Variants in BRWD3 observed in about 807,000 individuals in gnomAD.
BRWD3 encodes bromodomain and WD repeat domain containing 3, also known as bromodomain and WD repeat-containing protein 3.
In BRWD3, 10 loss-of-function variants were observed where a neutral mutation model predicts 149.7. The observed-to-expected ratio is 0.07, with a 90% CI of 0.04 to 0.11. The LOEUF is 0.11. Among genes scored for constraint, BRWD3 ranks in the 10% least tolerant of loss-of-function variants. The probability of loss-of-function intolerance (pLI) is 1.00; values close to 1 mark genes in which losing one functional copy is unlikely to be tolerated. For missense variants in BRWD3, 940 were observed against 1,373.2 expected (o/e 0.68, Z 4.99); for synonymous variants, 504 against 456.7 (o/e 1.10, Z -1.32).
chrX:80,787,901 G>A (rs987037339), intron 6 of BRWD3, among the ~76,000 whole-genome samples: 3 of 108,360 alleles, frequency 2.8e-5, no homozygotes, highest in Non-Finnish European at 3.8e-5. Flanking sequence ...TGACTAACAC[G>A]GTGAAACCCT....
chrX:80,678,341 A>T, intron 40 of BRWD3, among the ~76,000 whole-genome samples: 1 of 112,026 alleles, frequency 8.9e-6, no homozygotes, highest in Admixed American at 9.5e-5. Flanking sequence ...CCTAGGTTTT[A>T]TGGCCAAAGC....
chrX:80,682,808 T>G (rs2072472880), intron 37 of BRWD3, among the ~76,000 whole-genome samples, 180 bp from the exon 38 acceptor site: 1 of 111,603 alleles, frequency 9.0e-6, no homozygotes, highest in Admixed American at 9.5e-5. Flanking sequence ...TTTTCAAATA[T>G]AGTATTCAAT....
At chrX:80,750,377 T>A (rs2073648854) in intron 6 of BRWD3, among the ~76,000 whole-genome samples, 1 of 104,986 alleles carries the variant, frequency 9.5e-6, no homozygotes. Context: ...TATAAGAAAC[T>A]CAATAGCAAA....
chrX:80,733,293 T>C (rs1315118816), intron 12 of BRWD3, 163 bp downstream of exon 12: 6 of 416,570 alleles, frequency 1.4e-5, no homozygotes, highest in South Asian at 1.4e-4. Flanking sequence ...TTGGATGAGA[T>C]TGTGGAAGTG....
intron 28 of BRWD3, among the ~76,000 whole-genome samples, chrX:80,692,551 A>G (rs2072626081): frequency 8.9e-6 from 1 of 112,332 alleles, no homozygotes; most frequent in Admixed American, 9.5e-5. Context: ...TCATACGACT[A>G]AACAAAAGAC....
chrX:80,718,484 TC>T (rs1247954236), intron 18 of BRWD3, among the ~76,000 whole-genome samples: 1 of 111,763 alleles, frequency 8.9e-6, no homozygotes, highest in Non-Finnish European at 1.9e-5. Flanking sequence ...AATACAGATT[TC>T]ATTAATGGAT....
At chrX:80,679,969 G>T (rs1213276701) in intron 40 of BRWD3, among the ~76,000 whole-genome samples, 5 of 111,438 alleles carry the variant, frequency 4.5e-5, no homozygotes, top group Non-Finnish European at 7.5e-5. Flanking sequence ...ATGTAAACTG[G>T]GAAAAACAAA....
intron 6 of BRWD3, among the ~76,000 whole-genome samples, chrX:80,762,174 G>A (rs985297808): frequency 1.8e-5 from 2 of 111,478 alleles, no homozygotes; most frequent in Admixed American, 9.6e-5. Flanking sequence ...TGAGGCTCTC[G>A]GAAGTAGTTT....
chrX:80,713,031 C>T (rs1468881286), intron 20 of BRWD3, among the ~76,000 whole-genome samples: 4 of 108,596 alleles, frequency 3.7e-5, no homozygotes, highest in Non-Finnish European at 7.7e-5. Context: ...GGGGCCAGCC[C>T]CCCGCCCGGC....
chrX:80,793,501 A>C lies in BRWD3; in HGVS notation c.331+121T>G, dbSNP rs905101438. On this transcript the variant is annotated intron_variant, in intron 5 of 40. Coordinates refer to ENST00000373275, the MANE Select transcript of BRWD3 (RefSeq NM_153252.5). ...CTTGTACACTAAGAAAACAAAAACA[A>C]CATTGGCAAGATAAGAAAAACTAGT... The C allele has an allele frequency of 1.1e-5, 9 of 791,655 alleles. No homozygotes were observed. The East Asian group carries it at 3.0e-4, about 27-fold the overall frequency. 65.2% of individuals were successfully genotyped at this position (791,655 alleles called of 1,213,427 possible).
chrX:80,692,388 A>G (rs1364092086), intron 28 of BRWD3, among the ~76,000 whole-genome samples: 2 of 112,129 alleles, frequency 1.8e-5, no homozygotes, highest in Non-Finnish European at 3.8e-5. Flanking sequence ...GGAGACTAAA[A>G]GTCAGTCCTC....
intron 6 of BRWD3, among the ~76,000 whole-genome samples, chrX:80,755,003 G>A (rs1037402481): frequency 1.1e-4 from 12 of 110,153 alleles, no homozygotes; most frequent in East Asian, 2.8e-4. Flanking sequence ...GCGAAACTCC[G>A]TCTCAAATTA....
chrX:80,725,736 T>C (rs1175098505), intron 14 of BRWD3, among the ~76,000 whole-genome samples: 3 of 111,133 alleles, frequency 2.7e-5, no homozygotes, highest in African/African-American at 9.7e-5. Flanking sequence ...TTACATGTGT[T>C]ACATGCCTAT....
intron 21 of BRWD3, 100 bp downstream of exon 21, chrX:80,709,328 A>G (rs2072922590): frequency 1.6e-6 from 1 of 624,745 alleles, no homozygotes; most frequent in Non-Finnish European, 2.4e-6. Flanking sequence ...GAATATAATT[A>G]AAATAATTTT....
intron 4 of BRWD3, among the ~76,000 whole-genome samples, chrX:80,798,825 A>G (rs1025529206): frequency 9.0e-6 from 1 of 111,713 alleles, no homozygotes; most frequent in Non-Finnish European, 1.9e-5. Flanking sequence ...TCTATAAAAC[A>G]GCTCTAAAAG....
At chrX:80,708,271 C>A in intron 21 of BRWD3, among the ~76,000 whole-genome samples, 1 of 110,496 alleles carries the variant, frequency 9.1e-6, no homozygotes, top group East Asian at 2.9e-4. Flanking sequence ...TGGCATGCAC[C>A]TGTAGTCCTA....
In BRWD3 at chrX:80,736,091, T is replaced by TAA. The variant is rs751020595; in HGVS notation, c.814-5_814-4dup. The TAA allele has an allele frequency of 1.4e-4, 131 of 912,826 alleles. No homozygotes were observed. The highest frequency in any genetic ancestry group is 1.7e-4 in the South Asian group (7 of 41,046). The allele number at this position is 912,826 out of a possible 1,213,427, so 75.2% of individuals were successfully genotyped here. Reference sequence around the variant, plus strand: ...GTGCCTTTAGTTGATGGACAAAACTTAAAAAAAAAAAAATCTGATTCAAAT... The same window carrying TAA: ...GTGCCTTTAGTTGATGGACAAAACTTAAAAAAAAAAAAAAATCTGATTCAAAT... On this transcript the variant is annotated splice_polypyrimidine_tract_variant and splice_region_variant and intron_variant, in intron 8 of 40. Coordinates refer to ENST00000373275, the MANE Select transcript of BRWD3 (RefSeq NM_153252.5).
chrX:80,747,354 A>T (rs1326237049), intron 6 of BRWD3, among the ~76,000 whole-genome samples: 3 of 109,455 alleles, frequency 2.7e-5, no homozygotes, highest in Non-Finnish European at 5.7e-5. Context: ...AGCATCCCTC[A>T]CCTGTCCCCA....
In BRWD3 at chrX:80,712,538, G is replaced by A. The variant is rs1314950682; in HGVS notation, c.2326-2961C>T. ...CAGCCGCCTGCCTTGGCCTCCCAAA[G>A]TGCCGAGATTGCAGCCTCTGCCCGG... On this transcript the variant is annotated intron_variant, in intron 20 of 40. Transcript: ENST00000373275. Among the ~76,000 whole-genome samples, 84 of 110,769 alleles carry A rather than the reference G, an allele frequency of 7.6e-4. 2 individuals carry two copies. Among genetic ancestry groups the A allele is most frequent in the African/African-American group, 2.3e-3 (71 of 30,332 alleles).
Sources: allele counts gnomAD v4.1 joint callset (sites outside exome capture counted in the v4.1 genomes callset), GRCh38; gene constraint gnomAD v4.1.1; transcripts MANE v1.5; gene names NCBI Gene and HGNC (gene_info 2026-07-23, HGNC 2026-07-21).